SLC26A3: variants seen among roughly 807,000 people sequenced by gnomAD.
SLC26A3 encodes the protein chloride anion exchanger.
Under a neutral mutation model 85.6 loss-of-function variants are expected in SLC26A3, and 64 were observed. The ratio of observed to expected loss-of-function variants is 0.75; its 90% CI spans 0.61 to 0.92. The LOEUF is 0.92. SLC26A3 is among the 40% of genes least tolerant of loss of function. SLC26A3 has a pLI of 0.00. For synonymous variants in SLC26A3, 349 were observed against 336.0 expected (o/e 1.04, Z -0.42); for missense variants, 922 against 927.3 (o/e 0.99, Z 0.07).
At position 107,765,776 on chromosome 7, in the gene SLC26A3, G is replaced by T. The variant is rs896735540; in HGVS notation, c.*79C>A. 5.7e-6 allele frequency: 6 copies of T among 1,044,540 alleles called. No homozygotes were observed. Among genetic ancestry groups the T allele is most frequent in the South Asian group, 3.8e-5 (3 of 78,902 alleles). The allele number at this position is 1,044,540 out of a possible 1,614,324, so 64.7% of individuals were successfully genotyped here. A position where few individuals can be genotyped will look rare whatever the true frequency, so the allele number is the denominator to read the frequency against. ...CAAAAATACTCTTCGTACAATGTAT[G>T]AACTTATCAATAACTTTCTGGGTAT... On this transcript the variant is annotated 3_prime_UTR_variant, in exon 21 of 21. Transcript: ENST00000340010.
rs184437901 is a variant in SLC26A3 at position 107,800,527 on chromosome 7, T to C, written c.-89+2584A>G. The stretch of plus-strand genomic sequence containing the variant: ...TTCCTTCTTGTAAGTACCTTGTATA[T>C]ATGTCTATTCCATGTCATACATTAT... On this transcript the variant is annotated intron_variant, in intron 1 of 20. Transcript: ENST00000340010. Among the ~76,000 whole-genome samples, 32 of 152,396 alleles carry C rather than the reference T, an allele frequency of 2.1e-4. 1 individual carries two copies. The East Asian group carries it at 6.2e-3, about 29-fold the overall frequency.
intron 15 of SLC26A3, chr7:107,776,030 A>G (rs1794109522): frequency 3.8e-6 from 1 of 261,084 alleles, no homozygotes; most frequent in Non-Finnish European, 7.4e-6. Context: ...CTCAGTATGT[A>G]TTGTTATTCA....
rs1793904650 is a variant in SLC26A3 at position 107,765,851 on chromosome 7, TTGA to T, written c.*1_*3del. 8 of 1,608,440 alleles carry T rather than the reference TTGA, an allele frequency of 5.0e-6. No individual in the cohort carries two copies. The highest frequency in any genetic ancestry group is 6.8e-6 in the Non-Finnish European group (8 of 1,175,318). On this transcript the variant is annotated 3_prime_UTR_variant, in exon 21 of 21. Transcript: ENST00000340010. ...GATGAAGATCCTTCTGAATTATATGTTGATTAGAATTTTGTTTCAACTGGCACC... is the reference window on the plus strand; with the variant it reads ...GATGAAGATCCTTCTGAATTATATGTTTAGAATTTTGTTTCAACTGGCACC...
chr7:107,798,640 C>T lies in SLC26A3; in HGVS notation c.-88-4043G>A, dbSNP rs537207235. ...AGACAAGCAAGGGTGCAGAACACTTCCCAGCCCCTCCGCAGTCACATTAGA... is the reference window on the plus strand; with the variant it reads ...AGACAAGCAAGGGTGCAGAACACTTTCCAGCCCCTCCGCAGTCACATTAGA... On this transcript the variant is annotated intron_variant, in intron 1 of 20. Transcript: ENST00000340010. 3.3e-5 allele frequency among the ~76,000 whole-genome samples: 5 copies of T among 152,258 alleles called. No individual in the cohort carries two copies. In the South Asian group the frequency reaches 1.0e-3, roughly 32 times the overall value.
chr7:107,779,051 T>C (rs1794175813), intron 12 of SLC26A3, among the ~76,000 whole-genome samples: 1 of 152,148 alleles, frequency 6.6e-6, no homozygotes, highest in South Asian at 2.1e-4. Flanking sequence ...TCTTGGTCTG[T>C]TGATTTAATT....
intron 1 of SLC26A3, among the ~76,000 whole-genome samples, chr7:107,800,917 G>A (rs1794588771): frequency 1.3e-5 from 2 of 152,204 alleles, no homozygotes; most frequent in African/African-American, 4.8e-5. Flanking sequence ...TCATGTGAAA[G>A]GTTATTGAGA....
At chr7:107,801,925 CAAAAAAAAAA>C (rs11356401) in intron 1 of SLC26A3, among the ~76,000 whole-genome samples, 3 of 91,262 alleles carry the variant, frequency 3.3e-5, no homozygotes, top group Non-Finnish European at 7.3e-5. Flanking sequence ...ACTGAAAATA[CAAAAAAAAAA>C]AAAAAAAAAT....
At chr7:107,791,260 G>C in intron 4 of SLC26A3, 25 bp from the exon 5 acceptor site, 2 of 1,602,186 alleles carry the variant, frequency 1.2e-6, no homozygotes. Flanking sequence ...GTGAATCGTG[G>C]TCAGTATATG....
chr7:107,790,974 A>G (rs1584411042), intron 5 of SLC26A3, 74 bp downstream of exon 5: 20 of 1,466,536 alleles, frequency 1.4e-5, no homozygotes, highest in East Asian at 4.9e-5. Flanking sequence ...GGCAGGGGGG[A>G]GGAAAAATAG....
intron 11 of SLC26A3, among the ~76,000 whole-genome samples, chr7:107,781,753 C>G (rs573251733): frequency 1.3e-5 from 2 of 152,170 alleles, no homozygotes; most frequent in African/African-American, 4.8e-5. Flanking sequence ...AGTCCAGCAA[C>G]CTGGGACCAC....
intron 4 of SLC26A3, 87 bp downstream of exon 4, chr7:107,791,743 G>A: frequency 1.1e-6 from 1 of 897,838 alleles, no homozygotes; most frequent in Non-Finnish European, 1.9e-6. Flanking sequence ...TGGATTATGT[G>A]AAATTTGGAA....
At chr7:107,780,158 C>T (rs796537076) in intron 11 of SLC26A3, among the ~76,000 whole-genome samples, 7 of 151,580 alleles carry the variant, frequency 4.6e-5, no homozygotes, top group African/African-American at 1.7e-4. Context: ...ATGGGGGTTG[C>T]TCTTTGTTAA....
intron 6 of SLC26A3, among the ~76,000 whole-genome samples, chr7:107,789,245 T>C (rs1289518103): frequency 6.7e-6 from 1 of 149,614 alleles, no homozygotes; most frequent in African/African-American, 2.5e-5. Flanking sequence ...GCCTCTGGAG[T>C]AGCTGGGACT....
At chr7:107,784,076 T>C (rs1794253257) in intron 8 of SLC26A3, among the ~76,000 whole-genome samples, 1 of 152,250 alleles carries the variant, frequency 6.6e-6, no homozygotes, top group Admixed American at 6.5e-5. Context: ...TATAAGCATA[T>C]ATTTCTGACA....
Position 107,794,438 on chromosome 7 carries a change from A to T in SLC26A3, c.72T>A (p.Asn24Lys). 1 of 1,613,866 alleles carries T rather than the reference A, an allele frequency of 6.2e-7. No individual in the cohort carries two copies. Among genetic ancestry groups the T allele is most frequent in the South Asian group, 1.1e-5 (1 of 91,064 alleles). ...TATGATGTCTTCCTGTCTTTTTATGATTTTCCTCAAAAGCATTTGTAGAAT... is the reference window on the plus strand; with the variant it reads ...TATGATGTCTTCCTGTCTTTTTATGTTTTTCCTCAAAAGCATTTGTAGAAT... ...PVYSTNAFEE[N>K]HKKTGRHHKT... The change falls in exon 2 of 21, where the codon AAT becomes AAA. Residue 24 changes from asparagine to lysine, a missense_variant. Physicochemically the swap from Asn to Lys is moderately conservative, Grantham distance 94. Coordinates refer to ENST00000340010, the MANE Select transcript of SLC26A3 (RefSeq NM_000111.3).
chr7:107,793,504 T>A (rs905319390), intron 3 of SLC26A3, among the ~76,000 whole-genome samples: 1 of 152,234 alleles, frequency 6.6e-6, no homozygotes, highest in East Asian at 1.9e-4. Flanking sequence ...AAGTGCCATG[T>A]ATTGTATTAT....
At chr7:107,774,947 A>G in intron 15 of SLC26A3, 75 bp from the exon 16 acceptor site, 1 of 1,123,058 alleles carries the variant, frequency 8.9e-7, no homozygotes, top group Non-Finnish European at 1.4e-6. Flanking sequence ...AACAACTTTA[A>G]CTGGAGTGAT....
chr7:107,791,826 T>A lies in SLC26A3; in HGVS notation c.382+4A>T. 3 of 1,578,704 alleles carry A rather than the reference T, an allele frequency of 1.9e-6. No individual in the cohort carries two copies. The highest frequency in any genetic ancestry group is 2.6e-6 in the Non-Finnish European group (3 of 1,147,924). Reference sequence around the variant, plus strand: ...AGCATTAATCAGCTCAGTAACTGACTTACCCACGGATATGTGTCTGGAAGT... The same window carrying A: ...AGCATTAATCAGCTCAGTAACTGACATACCCACGGATATGTGTCTGGAAGT... On this transcript the variant is annotated splice_donor_region_variant and intron_variant, in intron 4 of 20. Transcript: ENST00000340010.
At chr7:107,788,698 T>C (rs1427991292) in intron 6 of SLC26A3, among the ~76,000 whole-genome samples, 1 of 151,990 alleles carries the variant, frequency 6.6e-6, no homozygotes, top group Admixed American at 6.5e-5. Flanking sequence ...ATGGTAGATG[T>C]GGTTGATTTT....
Sources: gnomAD v4.1 joint callset for allele counts (sites outside exome capture counted in the v4.1 genomes callset) on GRCh38, gnomAD v4.1.1 for gene constraint, MANE v1.5 for transcripts, NCBI Gene and HGNC (gene_info 2026-07-23, HGNC 2026-07-21) for gene names.